Variants in RAC1 observed in about 807,000 individuals in gnomAD.
The protein encoded by RAC1 is Rac family small GTPase 1, also known as ras-related C3 botulinum toxin substrate 1.
In RAC1, 2 loss-of-function variants were observed where a neutral mutation model predicts 25.2. The observed-to-expected ratio is 0.08, with a 90% confidence interval of 0.03 to 0.25. RAC1 has a LOEUF of 0.25. RAC1 is among the 10% of genes least tolerant of loss of function. RAC1 has a pLI of 1.00. For synonymous variants in RAC1, 88 were observed against 94.0 expected (o/e 0.94, Z 0.37); for missense variants, 50 against 235.7 (o/e 0.21, Z 5.16).
intron 3 of RAC1, 73 bp downstream of exon 3, chr7:6,392,114 A>T (rs905296530): frequency 6.3e-6 from 10 of 1,598,438 alleles, no homozygotes; most frequent in Non-Finnish European, 7.7e-6. Context: ...AGTGCATGTT[A>T]CCTATGGACT....
At chr7:6,381,418 G>A (rs1275872905) in intron 1 of RAC1, among the ~76,000 whole-genome samples, 1 of 138,224 alleles carries the variant, frequency 7.2e-6, no homozygotes, top group Non-Finnish European at 1.5e-5. Context: ...GGTAGAAACA[G>A]AGTCTTGCTC....
At position 6,377,730 on chromosome 7, in the gene RAC1, T is replaced by C. The variant is rs186227140; in HGVS notation, c.35+2960T>C. On this transcript the variant is annotated intron_variant, in intron 1 of 5. Coordinates refer to ENST00000348035, the MANE Select transcript of RAC1 (RefSeq NM_006908.5). ...AGGAGTTTGAGACCAGTCTGGCCAA[T>C]ATGGCGAAACCTCGTCTCTACTAAA... 2.6e-3 allele frequency among the ~76,000 whole-genome samples: 400 copies of C among 151,832 alleles called. 3 individuals carry two copies. Among genetic ancestry groups the C allele is most frequent in the Admixed American group, 8.6e-3 (131 of 15,232 alleles).
chr7:6,376,849 A>G (rs34858285), intron 1 of RAC1, among the ~76,000 whole-genome samples: 4,552 of 150,412 alleles, frequency 0.03, 92 homozygotes, highest in Non-Finnish European at 0.051. Flanking sequence ...CTAAAACATA[A>G]GCATAGCAGA....
At chr7:6,388,424 C>T (rs774215301) in intron 2 of RAC1, among the ~76,000 whole-genome samples, 2 of 148,680 alleles carry the variant, frequency 1.3e-5, no homozygotes, top group African/African-American at 2.5e-5. Flanking sequence ...CAGCTCACTG[C>T]AGCGTCTGCC....
At chr7:6,397,028 C>T (rs1349398964) in intron 3 of RAC1, among the ~76,000 whole-genome samples, 1 of 108,460 alleles carries the variant, frequency 9.2e-6, no homozygotes, top group African/African-American at 3.8e-5. Flanking sequence ...GAGACTCCCT[C>T]TCAAAAACAA....
At chr7:6,394,565 A>T (rs1783172538) in intron 3 of RAC1, among the ~76,000 whole-genome samples, 2 of 152,108 alleles carry the variant, frequency 1.3e-5, no homozygotes, top group South Asian at 4.1e-4. Flanking sequence ...GTGTGTCCTG[A>T]GACTCAGGCT....
chr7:6,399,487 C>T (rs1299459229), intron 3 of RAC1, among the ~76,000 whole-genome samples: 4 of 152,154 alleles, frequency 2.6e-5, no homozygotes, highest in African/African-American at 7.2e-5. Flanking sequence ...GCACCCTCTA[C>T]TCTGTCCTCT....
intron 1 of RAC1, among the ~76,000 whole-genome samples, chr7:6,385,780 T>C (rs556691160): frequency 9.2e-5 from 14 of 152,166 alleles, no homozygotes; most frequent in Non-Finnish European, 2.1e-4. Context: ...TTTATAGTAG[T>C]TGAGATTGAA....
At chr7:6,376,609 C>T (rs562144332) in intron 1 of RAC1, among the ~76,000 whole-genome samples, 18 of 147,314 alleles carry the variant, frequency 1.2e-4, no homozygotes, top group African/African-American at 3.8e-4. Flanking sequence ...TCAAGCGATT[C>T]TCGTGCCTTA....
intron 2 of RAC1, among the ~76,000 whole-genome samples, chr7:6,388,895 G>T (rs1029006738): frequency 6.6e-6 from 1 of 151,936 alleles, no homozygotes; most frequent in African/African-American, 2.4e-5. Flanking sequence ...AAAGACAATG[G>T]ATGTTTTAAA....
In RAC1 at chr7:6,374,578, C is replaced by T. The variant is rs1782523094; in HGVS notation, c.-158C>T. 1.5e-5 allele frequency: 4 copies of T among 267,158 alleles called. No individual in the cohort carries two copies. The highest frequency in any genetic ancestry group is 6.1e-5 in the Admixed American group (1 of 16,438). The allele number at this position is 267,158 out of a possible 1,614,324, so 16.5% of individuals were successfully genotyped here. A position where few individuals can be genotyped will look rare whatever the true frequency, so the allele number is the denominator to read the frequency against. On this transcript the variant is annotated 5_prime_UTR_variant, in exon 1 of 6. Coordinates refer to ENST00000348035, the MANE Select transcript of RAC1 (RefSeq NM_006908.5). Reference sequence around the variant, plus strand: ...TTGGGTGGTGGCCGCTGCCGGGCATCGGCTTCCAGTCCGCGGAGGGCGAGG... The same window carrying T: ...TTGGGTGGTGGCCGCTGCCGGGCATTGGCTTCCAGTCCGCGGAGGGCGAGG...
chr7:6,395,057 T>C lies in RAC1; in HGVS notation c.225+3016T>C, dbSNP rs180979688. ...TTTTAGTAGAGACGGGGTTTCACCA[T>C]GTTAGCCAGGATGGTCTTGATCTCC... On this transcript the variant is annotated intron_variant, in intron 3 of 5. Transcript: ENST00000348035. Among the ~76,000 whole-genome samples, 1,372 of 152,248 alleles carry C rather than the reference T, an allele frequency of 9.0e-3. 17 individuals are homozygous for C. Among genetic ancestry groups the C allele is most frequent in the South Asian group, 0.033 (159 of 4,826 alleles).
In RAC1 at chr7:6,403,307, T is replaced by TAA. The variant is rs1388948258; in HGVS notation, c.*862_*863dup. 1.4e-5 allele frequency: 3 copies of TAA among 210,898 alleles called. No individual in the cohort carries two copies. In the East Asian group the frequency reaches 2.2e-4, roughly 15 times the overall value. The allele number at this position is 210,898 out of a possible 1,614,324, so 13.1% of individuals were successfully genotyped here. A position where few individuals can be genotyped will look rare whatever the true frequency, so the allele number is the denominator to read the frequency against. ...TTGGTATTATCAGGAAATGTTTTCT[T>TAA]AAGCTTTTCCTTTCTCTTACACCTG... On this transcript the variant is annotated 3_prime_UTR_variant, in exon 6 of 6. Transcript: ENST00000348035.
intron 2 of RAC1, among the ~76,000 whole-genome samples, chr7:6,388,394 G>A (rs959564834): frequency 1.3e-4 from 18 of 140,212 alleles, no homozygotes; most frequent in Admixed American, 2.3e-4. Flanking sequence ...TGCCCAGGAT[G>A]GAGTGCTGTG....
intron 1 of RAC1, among the ~76,000 whole-genome samples, chr7:6,384,651 T>C (rs1441126693): frequency 6.6e-6 from 1 of 152,124 alleles, no homozygotes; most frequent in Non-Finnish European, 1.5e-5. Flanking sequence ...TTGAATTTTT[T>C]GTGGAAACAA....
chr7:6,392,296 A>G lies in RAC1; in HGVS notation c.225+255A>G, dbSNP rs35075100. 3.7e-3 allele frequency among the ~76,000 whole-genome samples: 556 copies of G among 152,296 alleles called. 16 individuals are homozygous for G. Among genetic ancestry groups the G allele is most frequent in the Admixed American group, 0.034 (517 of 15,278 alleles). The stretch of plus-strand genomic sequence containing the variant: ...CATTTAGCTTTAGAATAACCGTATG[A>G]AAGAGCTACTTTTTGTTTTTGCAAA... On this transcript the variant is annotated intron_variant, in intron 3 of 5. Transcript: ENST00000348035.
rs887414228 is a variant in RAC1 at position 6,402,929 on chromosome 7, C to T, written c.*483C>T. On this transcript the variant is annotated 3_prime_UTR_variant, in exon 6 of 6. Transcript: ENST00000348035. The stretch of plus-strand genomic sequence containing the variant: ...AAGCAGAACAGCCTCCCGAATGAAG[C>T]GTTGCCATTGAACTCACCAGTGAGT... 5 of 190,862 alleles carry T rather than the reference C, an allele frequency of 2.6e-5. No homozygotes were observed. The highest frequency in any genetic ancestry group is 4.4e-5 in the Non-Finnish European group (4 of 90,928). The allele number at this position is 190,862 out of a possible 1,614,324, so 11.8% of individuals were successfully genotyped here.
intron 4 of RAC1, 107 bp downstream of exon 4, chr7:6,400,295 T>G: frequency 1.7e-6 from 2 of 1,167,598 alleles, no homozygotes; most frequent in Non-Finnish European, 2.5e-6. Context: ...TTAAATTGGT[T>G]TTAGCAATTT....
chr7:6,396,709 C>A (rs1783245190), intron 3 of RAC1, among the ~76,000 whole-genome samples: 1 of 152,168 alleles, frequency 6.6e-6, no homozygotes, highest in Non-Finnish European at 1.5e-5. Context: ...GCTGTGGAAA[C>A]TAATGTGCTC....
Sources: allele counts gnomAD v4.1 joint callset (sites outside exome capture counted in the v4.1 genomes callset), GRCh38; gene constraint gnomAD v4.1.1; transcripts MANE v1.5; gene names NCBI Gene and HGNC (gene_info 2026-07-23, HGNC 2026-07-21).